The following PRORP variants were observed in gnomAD, a reference collection of about 807,000 sequenced individuals.
PRORP encodes the protein protein only RNase P catalytic subunit, also known as mitochondrial ribonuclease P catalytic subunit.
PRORP carries 51 observed loss-of-function variants against 59.4 expected under a neutral mutation model. The observed-to-expected ratio is 0.86, with a 90% CI of 0.69 to 1.08. The LOEUF is 1.08. PRORP is among the 50% of genes least tolerant of loss of function. The probability of loss-of-function intolerance (pLI) is 0.00; values close to 1 mark genes in which losing one functional copy is unlikely to be tolerated. For synonymous variants in PRORP, 231 were observed against 245.6 expected, an observed-to-expected ratio of 0.94 and a Z score of 0.55; for missense variants, 646 against 690.3, an observed-to-expected ratio of 0.94 and a Z score of 0.72.
chr14:35,124,071 G>C lies in PRORP; in HGVS notation c.826G>C (p.Val276Leu), dbSNP rs376742944. 1.2e-6 allele frequency: 2 copies of C among 1,613,688 alleles called. No homozygotes were observed. Among genetic ancestry groups the C allele is most frequent in the Non-Finnish European group, 1.7e-6 (2 of 1,179,896 alleles). ...LYQELLGHDI[V>L]PMLETLKAFF... ...TCAGGAATTGCTAGGTCATGATATT[G>C]TTCCTATGTTGGAAACTTTAAAAGC... The change falls in exon 2 of 8, where the codon GTT (valine) becomes CTT (leucine). Residue 276 changes from valine to leucine, a missense_variant. Physicochemically the swap from Val to Leu is conservative, Grantham distance 32. Transcript: ENST00000534898.
intron 5 of PRORP, among the ~76,000 whole-genome samples, chr14:35,195,118 T>C (rs1566490436): frequency 2.0e-5 from 3 of 152,164 alleles, no homozygotes; most frequent in South Asian, 2.1e-4. Context: ...TTAGAAAACA[T>C]TAACTAGGCC....
intron 5 of PRORP, among the ~76,000 whole-genome samples, chr14:35,230,205 A>G (rs1347027804): frequency 2.0e-5 from 3 of 152,128 alleles, no homozygotes; most frequent in Non-Finnish European, 2.9e-5. Context: ...GGTATGCGCC[A>G]TAACTCCTGG....
intron 4 of PRORP, among the ~76,000 whole-genome samples, chr14:35,128,610 C>T (rs1467383504): frequency 6.6e-6 from 1 of 151,930 alleles, no homozygotes; most frequent in Non-Finnish European, 1.5e-5. Context: ...GTAGGTTTTC[C>T]AATTTATTGG....
intron 5 of PRORP, among the ~76,000 whole-genome samples, chr14:35,186,704 G>C (rs2048752449): frequency 6.6e-6 from 1 of 151,222 alleles, no homozygotes. Context: ...GTGGTCCTCT[G>C]CCTCAGCCTT....
chr14:35,255,567 T>C (rs575940417), intron 5 of PRORP, among the ~76,000 whole-genome samples: 1 of 152,298 alleles, frequency 6.6e-6, no homozygotes, highest in Admixed American at 6.5e-5. Context: ...TATCAAGAGA[T>C]AGGGTTTTGC....
chr14:35,133,919 G>A (rs2047312500), intron 4 of PRORP, among the ~76,000 whole-genome samples: 1 of 152,212 alleles, frequency 6.6e-6, no homozygotes, highest in Non-Finnish European at 1.5e-5. Flanking sequence ...GAACTGTGCT[G>A]GGCCAGACCT....
intron 5 of PRORP, chr14:35,222,074 A>G (rs2049800900): frequency 6.6e-6 from 1 of 151,918 alleles, no homozygotes; most frequent in Non-Finnish European, 1.5e-5. Context: ...TTAATATTAT[A>G]TTCACCTCTC....
At chr14:35,200,490 T>A (rs911511207) in intron 5 of PRORP, among the ~76,000 whole-genome samples, 27 of 152,262 alleles carry the variant, frequency 1.8e-4, no homozygotes, top group Non-Finnish European at 2.9e-4. Context: ...GCGCCCGGCC[T>A]AAGTATGCAA....
At chr14:35,210,660 C>G (rs966136066) in intron 5 of PRORP, among the ~76,000 whole-genome samples, 1 of 146,044 alleles carries the variant, frequency 6.8e-6, no homozygotes, top group Non-Finnish European at 1.5e-5. Flanking sequence ...AATTTAGATA[C>G]TAGATAAATA....
At chr14:35,213,733 T>G (rs2049512599) in intron 5 of PRORP, among the ~76,000 whole-genome samples, 1 of 152,134 alleles carries the variant, frequency 6.6e-6, no homozygotes, top group Admixed American at 6.5e-5. Flanking sequence ...CACACAACAT[T>G]TATCGATTAG....
At chr14:35,122,032 G>A, upstream of PRORP, 1 of 1,535,302 alleles carries the variant, frequency 6.5e-7, no homozygotes, top group Non-Finnish European at 9.0e-7. Flanking sequence ...TCAGGCGTCA[G>A]CACCGCCAGG....
intron 5 of PRORP, among the ~76,000 whole-genome samples, chr14:35,245,459 A>T (rs2050460612): frequency 6.6e-6 from 1 of 152,060 alleles, no homozygotes; most frequent in Admixed American, 6.6e-5. Context: ...CCTGGGCAAC[A>T]TGGTGAGACC....
rs151143727 is a variant in PRORP at position 35,145,032 on chromosome 14, G to A, written c.1167+17421G>A. 2.9e-3 allele frequency among the ~76,000 whole-genome samples: 417 copies of A among 145,354 alleles called. 20 individuals carry two copies. The highest frequency in any genetic ancestry group is 9.6e-3 in the African/African-American group (392 of 41,046). On this transcript the variant is annotated intron_variant, in intron 4 of 7. Coordinates refer to ENST00000534898, the MANE Select transcript of PRORP (RefSeq NM_014672.4). ...GTCACCCAAACTAGAGTGCAGTGGC[G>A]TGATCATAGCTCATTGCAGCCTCAA... is the stretch of plus-strand genomic sequence containing the variant.
intron 5 of PRORP, among the ~76,000 whole-genome samples, chr14:35,217,079 C>G (rs1489381995): frequency 1.3e-5 from 2 of 152,030 alleles, no homozygotes; most frequent in Non-Finnish European, 2.9e-5. Context: ...GCAAAATTTT[C>G]CCCCCATTCT....
intron 4 of PRORP, among the ~76,000 whole-genome samples, chr14:35,175,723 G>T (rs1461922978): frequency 1.3e-5 from 2 of 151,966 alleles, no homozygotes; most frequent in East Asian, 3.9e-4. Flanking sequence ...TTCTTTTGCT[G>T]TGCAGAAGCT....
Position 35,167,763 on chromosome 14 carries a change from T to C in PRORP, c.1168-12907T>C, listed in dbSNP as rs147976028. The stretch of plus-strand genomic sequence containing the variant: ...TATTCCCCTGTTTTTCCACATCTGC[T>C]ATGACTAAAGCCAGTTGCTTTAATA... On this transcript the variant is annotated intron_variant, in intron 4 of 7. Transcript: ENST00000534898. Among the ~76,000 whole-genome samples, 243 of 152,338 alleles carry C rather than the reference T, an allele frequency of 1.6e-3. 1 individual carries two copies. Among genetic ancestry groups the C allele is most frequent in the Non-Finnish European group, 1.7e-3 (115 of 68,034 alleles).
At chr14:35,169,228 C>G (rs941841950) in intron 4 of PRORP, among the ~76,000 whole-genome samples, 2 of 150,818 alleles carry the variant, frequency 1.3e-5, no homozygotes, top group Admixed American at 1.3e-4. Context: ...TTTTTTTGAC[C>G]CTTGGGTTAT....
chr14:35,143,475 T>C (rs117635698), intron 4 of PRORP, among the ~76,000 whole-genome samples: 3,949 of 145,826 alleles, frequency 0.027, 556 homozygotes, highest in South Asian at 0.077. Flanking sequence ...TATATATTAA[T>C]TTATTGAAAA....
At chr14:35,152,598 G>A (rs745809458) in intron 4 of PRORP, among the ~76,000 whole-genome samples, 3 of 151,708 alleles carry the variant, frequency 2.0e-5, no homozygotes, top group East Asian at 3.9e-4. Flanking sequence ...CTGGCCGGGC[G>A]GGGGCTGACC....
Sources: allele counts gnomAD v4.1 joint callset (sites outside exome capture counted in the v4.1 genomes callset), GRCh38; gene constraint gnomAD v4.1.1; transcripts MANE v1.5; gene names NCBI Gene and HGNC (gene_info 2026-07-23, HGNC 2026-07-21).